The following TTC17 variants were observed in gnomAD, a reference collection of about 807,000 sequenced individuals.
The protein encoded by TTC17 is tetratricopeptide repeat protein 17.
A neutral mutation model predicts 143.8 loss-of-function variants in TTC17; 58 were observed. That is an observed-to-expected ratio of 0.40 (90% CI 0.33 to 0.50). TTC17 has a LOEUF of 0.50. Among genes scored for constraint, TTC17 ranks in the 20% least tolerant of loss-of-function variants. The pLI, the probability that TTC17 is intolerant of heterozygous loss-of-function variation, is 0.49. For synonymous variants in TTC17, 501 were observed against 497.8 expected, an observed-to-expected ratio of 1.01 and a Z score of -0.09; for missense variants, 1,273 against 1,392.5, an observed-to-expected ratio of 0.91 and a Z score of 1.37.
intron 21 of TTC17, chr11:43,486,530 G>A (rs1028234602): frequency 4.1e-5 from 14 of 343,536 alleles, no homozygotes; most frequent in Middle Eastern, 8.6e-4. Context: ...AAGTATACAT[G>A]TATGTCAGAG....
intron 21 of TTC17, among the ~76,000 whole-genome samples, chr11:43,474,239 T>A (rs1387701986): frequency 6.6e-6 from 1 of 152,042 alleles, no homozygotes; most frequent in Non-Finnish European, 1.5e-5. Context: ...TTCAGTGGAA[T>A]AAAATCTCCA....
chr11:43,444,328 G>A, intron 18 of TTC17, 119 bp downstream of exon 18: 6 of 1,014,900 alleles, frequency 5.9e-6, no homozygotes, highest in Admixed American at 3.6e-5. Flanking sequence ...GGCAAAGTGT[G>A]GTCAAGAAAC....
intron 1 of TTC17, among the ~76,000 whole-genome samples, chr11:43,364,948 G>A (rs1856272174): frequency 6.6e-6 from 1 of 152,050 alleles, no homozygotes; most frequent in Admixed American, 6.6e-5. Context: ...TGGGATTATA[G>A]GCATGTACCA....
chr11:43,473,957 A>G (rs891627887), intron 21 of TTC17, among the ~76,000 whole-genome samples: 3 of 152,172 alleles, frequency 2.0e-5, no homozygotes, highest in African/African-American at 7.2e-5. Context: ...TAGCAAAATT[A>G]TACATTCATT....
chr11:43,462,648 AT>A (rs1476636622), intron 21 of TTC17, among the ~76,000 whole-genome samples: 4 of 152,202 alleles, frequency 2.6e-5, no homozygotes, highest in African/African-American at 9.7e-5. Context: ...GTATGTGTTA[AT>A]TTGTCACAGT....
intron 16 of TTC17, among the ~76,000 whole-genome samples, chr11:43,419,684 A>G (rs1946855725): frequency 6.6e-6 from 1 of 152,140 alleles, no homozygotes; most frequent in South Asian, 2.1e-4. Flanking sequence ...CCCAATTTTA[A>G]TAGTACTTTT....
chr11:43,482,686 T>C (rs917757462), intron 21 of TTC17, among the ~76,000 whole-genome samples: 3 of 152,154 alleles, frequency 2.0e-5, no homozygotes, highest in African/African-American at 7.2e-5. Flanking sequence ...TTTAGAAATA[T>C]CAGTTAGGTT....
chr11:43,388,951 A>C (rs903813812), intron 2 of TTC17, among the ~76,000 whole-genome samples: 1 of 150,184 alleles, frequency 6.7e-6, no homozygotes, highest in African/African-American at 2.5e-5. Context: ...ACTCAGCCTG[A>C]GTGACAAAGT....
rs117586592 is a variant in TTC17 at position 43,382,369 on chromosome 11, C to G, written c.249+3047C>G. 2.1e-3 allele frequency among the ~76,000 whole-genome samples: 320 copies of G among 152,030 alleles called. 8 individuals carry two copies. In the East Asian group the frequency reaches 0.055, roughly 26 times the overall value. On this transcript the variant is annotated intron_variant, in intron 2 of 23. Transcript: ENST00000039989. ...GTTAAAAACATTGATGAAAAAGTTG[C>G]TAAATTTATTTACTTATTGGGCTCT...
At chr11:43,436,027 A>G in intron 16 of TTC17, 1 of 685,502 alleles carries the variant, frequency 1.5e-6, no homozygotes. Context: ...GCTGCAGCTC[A>G]CTGATTTTTG....
chr11:43,461,384 C>T (rs1300024301), intron 21 of TTC17, among the ~76,000 whole-genome samples: 3 of 123,974 alleles, frequency 2.4e-5, no homozygotes, highest in Non-Finnish European at 3.3e-5. Flanking sequence ...GAGCGAAACT[C>T]CGTCTCAAAA....
chr11:43,484,381 T>C (rs1362310702), intron 21 of TTC17, among the ~76,000 whole-genome samples: 5 of 152,178 alleles, frequency 3.3e-5, no homozygotes, highest in South Asian at 4.1e-4. Context: ...AAATATAAAG[T>C]TCTCAATAAA....
intron 1 of TTC17, among the ~76,000 whole-genome samples, chr11:43,369,461 G>C (rs1205764586): frequency 6.6e-6 from 1 of 152,120 alleles, no homozygotes; most frequent in African/African-American, 2.4e-5. Flanking sequence ...ATCCAGTTGA[G>C]GGTAAAACTT....
At chr11:43,373,937 T>C (rs1856665929) in intron 1 of TTC17, among the ~76,000 whole-genome samples, 1 of 152,224 alleles carries the variant, frequency 6.6e-6, no homozygotes. Flanking sequence ...ACTGGTCAGA[T>C]GCATATTTTG....
At chr11:43,371,526 C>T (rs1321556076) in intron 1 of TTC17, among the ~76,000 whole-genome samples, 2 of 152,198 alleles carry the variant, frequency 1.3e-5, no homozygotes, top group Admixed American at 1.3e-4. Flanking sequence ...AACTTCCATG[C>T]CCTCTCCAGG....
At chr11:43,362,641 T>G (rs964295398) in intron 1 of TTC17, among the ~76,000 whole-genome samples, 2 of 151,956 alleles carry the variant, frequency 1.3e-5, no homozygotes, top group African/African-American at 4.8e-5. Flanking sequence ...ATGGGGGTCT[T>G]TCTTTATTGC....
At chr11:43,385,009 T>G (rs1375660583) in intron 2 of TTC17, among the ~76,000 whole-genome samples, 1 of 152,210 alleles carries the variant, frequency 6.6e-6, no homozygotes, top group Non-Finnish European at 1.5e-5. Context: ...ATCGTATACT[T>G]GTATGTACCT....
intron 1 of TTC17, among the ~76,000 whole-genome samples, chr11:43,368,363 A>T (rs1179996023): frequency 6.6e-6 from 1 of 152,186 alleles, no homozygotes; most frequent in South Asian, 2.1e-4. Flanking sequence ...TCACAAATAC[A>T]TCATGTCCTA....
intron 2 of TTC17, among the ~76,000 whole-genome samples, chr11:43,387,847 C>T (rs1857225298): frequency 6.6e-6 from 1 of 152,180 alleles, no homozygotes; most frequent in Non-Finnish European, 1.5e-5. Context: ...AATAGTAATA[C>T]AGTCCATCAC....
Sources: allele counts gnomAD v4.1 joint callset (sites outside exome capture counted in the v4.1 genomes callset), GRCh38; gene constraint gnomAD v4.1.1; transcripts MANE v1.5; gene names NCBI Gene and HGNC (gene_info 2026-07-23, HGNC 2026-07-21).